Variants in MCPH1 observed in about 807,000 individuals in gnomAD.
The protein encoded by MCPH1 is microcephalin.
Under a neutral mutation model 84.5 loss-of-function variants are expected in MCPH1, and 104 were observed. The observed-to-expected ratio is 1.23, with a 90% CI of 1.05 to 1.45. The LOEUF (loss-of-function observed/expected upper bound fraction) is 1.45. Among genes scored for constraint, MCPH1 ranks in the 40% most tolerant of loss-of-function variants. The probability of loss-of-function intolerance (pLI) is 0.00; values close to 1 mark genes in which losing one functional copy is unlikely to be tolerated. For missense variants in MCPH1, 1,498 were observed against 1,005.7 expected (o/e 1.49, Z -6.62); for synonymous variants, 514 against 366.8 (o/e 1.40, Z -4.58).
chr8:6,420,122 C>G (rs1799950699), intron 3 of MCPH1, among the ~76,000 whole-genome samples: 1 of 151,666 alleles, frequency 6.6e-6, no homozygotes, highest in Non-Finnish European at 1.5e-5. Context: ...ATGTTTTTCT[C>G]TTAGTTTCTT....
chr8:6,440,136 T>A (rs531890495), intron 6 of MCPH1, among the ~76,000 whole-genome samples: 4 of 152,370 alleles, frequency 2.6e-5, no homozygotes, highest in African/African-American at 9.6e-5. Flanking sequence ...CAAAGTAGTC[T>A]ACAGTTTTGA....
chr8:6,449,639 GAAA>G (rs112855191), intron 8 of MCPH1, among the ~76,000 whole-genome samples: 1 of 133,056 alleles, frequency 7.5e-6, no homozygotes, highest in Non-Finnish European at 1.7e-5. Flanking sequence ...GTCTCAAAAA[GAAA>G]AAAAAAAAAA....
At chr8:6,585,886 C>G (rs1827939358) in intron 12 of MCPH1, among the ~76,000 whole-genome samples, 1 of 152,206 alleles carries the variant, frequency 6.6e-6, no homozygotes, top group Non-Finnish European at 1.5e-5. Flanking sequence ...TTTTCTATTG[C>G]ACCTCCTTGT....
At chr8:6,485,668 G>A (rs764712626) in intron 11 of MCPH1, among the ~76,000 whole-genome samples, 1 of 151,968 alleles carries the variant, frequency 6.6e-6, no homozygotes, top group African/African-American at 2.4e-5. Flanking sequence ...TGATGATGTC[G>A]CTATTTGTTA....
At chr8:6,553,817 G>T (rs1349881070) in intron 12 of MCPH1, among the ~76,000 whole-genome samples, 1 of 152,086 alleles carries the variant, frequency 6.6e-6, no homozygotes, top group African/African-American at 2.4e-5. Flanking sequence ...TCCTTATAAA[G>T]TCCCACGTGA....
At chr8:6,456,800 G>A (rs939289082) in intron 9 of MCPH1, among the ~76,000 whole-genome samples, 3 of 152,188 alleles carry the variant, frequency 2.0e-5, no homozygotes, top group Admixed American at 6.5e-5. Context: ...TTTCAGACGA[G>A]TGGTATTGCC....
chr8:6,561,116 A>T (rs1267216422), intron 12 of MCPH1, among the ~76,000 whole-genome samples: 1 of 152,242 alleles, frequency 6.6e-6, no homozygotes, highest in Admixed American at 6.5e-5. Context: ...ACATATTTCA[A>T]CCTGTGTTGC....
intron 9 of MCPH1, chr8:6,477,384 T>C: frequency 5.4e-6 from 3 of 554,588 alleles, no homozygotes; most frequent in Non-Finnish European, 9.5e-6. Flanking sequence ...GTCTGGATTA[T>C]TTTGGATTGC....
At position 6,431,548 on chromosome 8, in the gene MCPH1, A is replaced by G. The variant is rs765391012; in HGVS notation, c.283A>G (p.Asn95Asp). 8 of 1,613,444 alleles carry G rather than the reference A, an allele frequency of 5.0e-6. No individual in the cohort carries two copies. The highest frequency in any genetic ancestry group is 6.8e-6 in the Non-Finnish European group (8 of 1,179,660). ...HIDESLFPAA[N>D]MNEHLSSLIK... ...TGATGAATCATTGTTCCCTGCAGCT[A>G]ATATGAATGAACACTTATCAAGCCT... The change falls in exon 4 of 14, where the codon AAT becomes GAT. Residue 95 changes from asparagine (N) to aspartate (D), a missense_variant. Asn to Asp is a conservative substitution (Grantham distance 23). Coordinates refer to ENST00000344683, the MANE Select transcript of MCPH1 (RefSeq NM_024596.5).
At chr8:6,552,429 T>C (rs1050200431) in intron 12 of MCPH1, among the ~76,000 whole-genome samples, 2 of 152,222 alleles carry the variant, frequency 1.3e-5, no homozygotes, top group African/African-American at 2.4e-5. Context: ...GTCCTTTTCA[T>C]TGTCGAAAAG....
intron 12 of MCPH1, among the ~76,000 whole-genome samples, chr8:6,562,434 A>C (rs1825672987): frequency 6.6e-6 from 1 of 151,946 alleles, no homozygotes; most frequent in African/African-American, 2.4e-5. Flanking sequence ...ATTCTTTCCA[A>C]ATAATTATTT....
chr8:6,555,768 A>T (rs1334558434), intron 12 of MCPH1, among the ~76,000 whole-genome samples: 1 of 152,128 alleles, frequency 6.6e-6, no homozygotes, highest in Admixed American at 6.5e-5. Flanking sequence ...CAGCCACATA[A>T]ATTTGTTTTT....
intron 12 of MCPH1, among the ~76,000 whole-genome samples, chr8:6,576,262 G>T (rs1049333347): frequency 3.9e-5 from 6 of 152,068 alleles, no homozygotes; most frequent in African/African-American, 9.7e-5. Context: ...CTCGTTAATT[G>T]CAGCCACCCT....
intron 12 of MCPH1, chr8:6,519,852 C>G (rs368790940): frequency 5.0e-6 from 8 of 1,613,030 alleles, no homozygotes; most frequent in Non-Finnish European, 5.1e-6. Context: ...TAAGGGGAGA[C>G]GAATACCTCA....
intron 8 of MCPH1, among the ~76,000 whole-genome samples, chr8:6,447,885 T>G (rs1273000461): frequency 6.6e-6 from 1 of 152,140 alleles, no homozygotes; most frequent in Non-Finnish European, 1.5e-5. Context: ...AAATCATTAA[T>G]TTTTTTCTTT....
intron 12 of MCPH1, among the ~76,000 whole-genome samples, chr8:6,591,469 A>T (rs1828448634): frequency 6.6e-6 from 1 of 152,240 alleles, no homozygotes. Flanking sequence ...AAATCACCCC[A>T]TGTGTGGAAT....
chr8:6,468,146 C>G (rs1171415894), intron 9 of MCPH1, among the ~76,000 whole-genome samples: 1 of 152,200 alleles, frequency 6.6e-6, no homozygotes, highest in Non-Finnish European at 1.5e-5. Context: ...CAGAGGCAGT[C>G]TTTCCTGTGC....
chr8:6,622,307 G>C (rs1182294557), intron 13 of MCPH1: 1 of 160,920 alleles, frequency 6.2e-6, no homozygotes, highest in Non-Finnish European at 1.4e-5. Context: ...GCTGAGATCG[G>C]AGGAGGCTGG....
chr8:6,598,679 G>A (rs1371776776), intron 12 of MCPH1, among the ~76,000 whole-genome samples: 2 of 152,246 alleles, frequency 1.3e-5, no homozygotes, highest in Non-Finnish European at 2.9e-5. Context: ...CCGGCGGGCG[G>A]CTTCACGACA....
Sources: allele counts gnomAD v4.1 joint callset (sites outside exome capture counted in the v4.1 genomes callset), GRCh38; gene constraint gnomAD v4.1.1; transcripts MANE v1.5; gene names NCBI Gene and HGNC (gene_info 2026-07-23, HGNC 2026-07-21).